SERHL2: variants seen among roughly 807,000 people sequenced by gnomAD.
SERHL2 encodes the protein serine hydrolase like 2.
Under a neutral mutation model 25.5 loss-of-function variants are expected in SERHL2, and 29 were observed. That is an observed-to-expected ratio of 1.14 (90% CI 0.85 to 1.55). The LOEUF is 1.55. Among genes scored for constraint, SERHL2 ranks in the 40% most tolerant of loss-of-function variants. The pLI, the probability that SERHL2 is intolerant of heterozygous loss-of-function variation, is 0.00. For synonymous variants in SERHL2, 95 were observed against 103.5 expected, an observed-to-expected ratio of 0.92 and a Z score of 0.50; for missense variants, 240 against 252.3, an observed-to-expected ratio of 0.95 and a Z score of 0.33.
chr22:42,572,633 A>G (rs978892718), intron 11 of SERHL2, 104 bp downstream of exon 11: 12 of 1,481,600 alleles, frequency 8.1e-6, no homozygotes, highest in African/African-American at 7.0e-5. Flanking sequence ...GTCTGCCCCC[A>G]GGCCCAACAA....
At chr22:42,569,475 G>A (rs999100687) in intron 9 of SERHL2, 2 of 151,852 alleles carry the variant, frequency 1.3e-5, no homozygotes, top group African/African-American at 4.8e-5. Flanking sequence ...TGCCAAACTG[G>A]TCTCGAACTT....
intron 9 of SERHL2, among the ~76,000 whole-genome samples, chr22:42,567,637 G>C (rs1923578109): frequency 6.6e-6 from 1 of 151,542 alleles, no homozygotes; most frequent in East Asian, 1.9e-4. Context: ...GCAGTTCGCA[G>C]TCCGGCCTGG....
At chr22:42,562,454 G>T (rs968780657) in intron 8 of SERHL2, among the ~76,000 whole-genome samples, 4 of 151,794 alleles carry the variant, frequency 2.6e-5, no homozygotes, top group African/African-American at 9.7e-5. Context: ...CCACCTCTCT[G>T]GCTGCTGGGA....
chr22:42,567,373 T>A (rs905295296), intron 9 of SERHL2, among the ~76,000 whole-genome samples: 16 of 151,988 alleles, frequency 1.1e-4, no homozygotes, highest in Non-Finnish European at 2.1e-4. Context: ...TTTTAAAAGT[T>A]CGATTTTTCG....
chr22:42,568,174 C>G (rs1298030404), intron 9 of SERHL2, among the ~76,000 whole-genome samples: 1 of 147,978 alleles, frequency 6.8e-6, no homozygotes, highest in Non-Finnish European at 1.5e-5. Flanking sequence ...CAGGTGTGCG[C>G]TACCACACCC....
rs202043106 is a variant in SERHL2, at chr22:42,571,130, A to C, written c.658A>C (p.Ser220Arg). The change falls in exon 10 of 12, where the codon AGC becomes CGC. Residue 220 changes from serine to arginine, a missense_variant. Ser to Arg is a moderately radical substitution (Grantham distance 110). Coordinates refer to ENST00000327678, the MANE Select transcript of SERHL2 (RefSeq NM_014509.5). ...RDQRLAWAEN[S>R]IDFISRELCA... ...GTTTTTGTCTCTGCAGGCAGAGAAC[A>C]GCATTGACTTCATCAGCAGGGAGCT... The C allele has an allele frequency of 6.1e-5, 99 of 1,613,306 alleles. 1 individual carries two copies. Among genetic ancestry groups the C allele is most frequent in the Non-Finnish European group, 7.5e-5 (89 of 1,179,620 alleles).
At chr22:42,566,520 C>T (rs1161916319) in intron 9 of SERHL2, among the ~76,000 whole-genome samples, 182 bp downstream of exon 9, 1 of 149,902 alleles carries the variant, frequency 6.7e-6, no homozygotes, top group Non-Finnish European at 1.5e-5. Context: ...AGCACCACTG[C>T]ACTGCAGCCT....
intron 9 of SERHL2, among the ~76,000 whole-genome samples, chr22:42,567,629 A>G (rs1923575918): frequency 6.6e-6 from 1 of 151,682 alleles, no homozygotes; most frequent in South Asian, 2.1e-4. Context: ...GCGCCACTGC[A>G]GTTCGCAGTC....
chr22:42,573,669 C>T (rs186825917), intron 11 of SERHL2: 63 of 482,826 alleles, frequency 1.3e-4, no homozygotes, highest in East Asian at 8.0e-4. Context: ...ACCCTGGCCT[C>T]GGCCCCGCCC....
chr22:42,564,964 G>GCA (rs1569278752), intron 8 of SERHL2: 3 of 144,176 alleles, frequency 2.1e-5, no homozygotes, highest in African/African-American at 8.1e-5. Context: ...TGCTCGGCGC[G>GCA]CGCGTGTGTG....
intron 10 of SERHL2, among the ~76,000 whole-genome samples, chr22:42,572,221 C>T (rs1410033773): frequency 2.0e-5 from 3 of 152,080 alleles, no homozygotes; most frequent in East Asian, 3.8e-4. Flanking sequence ...GCTGTGCCTT[C>T]AGCATTCACT....
At chr22:42,563,226 C>A (rs1349396751) in intron 8 of SERHL2, among the ~76,000 whole-genome samples, 1 of 148,768 alleles carries the variant, frequency 6.7e-6, no homozygotes, top group African/African-American at 2.5e-5. Flanking sequence ...TTGTTTTCAA[C>A]AGGGTCTTGC....
chr22:42,559,514 A>G (rs1351220458), intron 7 of SERHL2, among the ~76,000 whole-genome samples: 1 of 151,754 alleles, frequency 6.6e-6, no homozygotes, highest in Non-Finnish European at 1.5e-5. Flanking sequence ...ATCATGGCTA[A>G]GATGGTGAAA....
At chr22:42,570,556 CAT>C (rs1490961398) in intron 9 of SERHL2, among the ~76,000 whole-genome samples, 2 of 152,212 alleles carry the variant, frequency 1.3e-5, no homozygotes, top group South Asian at 2.1e-4. Flanking sequence ...ACCTACAGCA[CAT>C]CTCACTCAAG....
rs185680283 is a variant in SERHL2 at position 42,567,567 on chromosome 22, G to A, written c.648+1229G>A. Reference sequence around the variant, plus strand: ...TAGTCCCAGCTACTCGGGAGGCTGAGGCAGGAGAATGGCGTGAACCCGGGA... The same window carrying A: ...TAGTCCCAGCTACTCGGGAGGCTGAAGCAGGAGAATGGCGTGAACCCGGGA... On this transcript the variant is annotated intron_variant, in intron 9 of 11. Coordinates refer to ENST00000327678, the MANE Select transcript of SERHL2 (RefSeq NM_014509.5). Among the ~76,000 whole-genome samples, 441 of 151,672 alleles carry A rather than the reference G, an allele frequency of 2.9e-3. 3 individuals are homozygous for A. The highest frequency in any genetic ancestry group is 9.8e-3 in the African/African-American group (406 of 41,494).
At chr22:42,573,204 C>A (rs1180956931) in intron 11 of SERHL2, 2 of 151,292 alleles carry the variant, frequency 1.3e-5, no homozygotes, top group Non-Finnish European at 2.9e-5. Flanking sequence ...TGGCCGGCTG[C>A]CAGGTCAGAG....
chr22:42,562,344 C>T lies in SERHL2; in HGVS notation c.613+2079C>T, dbSNP rs549034652. On this transcript the variant is annotated intron_variant, in intron 8 of 11. Coordinates refer to ENST00000327678, the MANE Select transcript of SERHL2 (RefSeq NM_014509.5). The stretch of plus-strand genomic sequence containing the variant: ...ATTCCTCCAGAATCTGGAGCTTAAA[C>T]AACCAAGACACATTCCCCCACAGTT... 1.2e-4 allele frequency among the ~76,000 whole-genome samples: 19 copies of T among 152,008 alleles called. No individual in the cohort carries two copies. In the South Asian group the frequency reaches 1.7e-3, roughly 13 times the overall value.
chr22:42,571,336 T>A (rs1291912351), intron 10 of SERHL2, 133 bp downstream of exon 10: 1 of 1,500,410 alleles, frequency 6.7e-7, no homozygotes. Context: ...AAGATCTTTT[T>A]TGGGAAGCCC....
intron 9 of SERHL2, chr22:42,569,254 C>G (rs1923826582): frequency 3.3e-5 from 5 of 151,412 alleles, no homozygotes; most frequent in Admixed American, 3.3e-4. Flanking sequence ...AAAGCACCTA[C>G]CTTCTATTTA....
Sources: gnomAD v4.1 joint callset for allele counts (sites outside exome capture counted in the v4.1 genomes callset) on GRCh38, gnomAD v4.1.1 for gene constraint, MANE v1.5 for transcripts, NCBI Gene and HGNC (gene_info 2026-07-23, HGNC 2026-07-21) for gene names.